The following NRXN1 variants were observed in gnomAD, a reference collection of about 807,000 sequenced individuals.
The protein encoded by NRXN1 is neurexin-1.
In NRXN1, 39 loss-of-function variants were observed where a neutral mutation model predicts 150.9. The observed-to-expected ratio is 0.26, with a 90% CI of 0.20 to 0.34. The LOEUF is 0.34. Among genes scored for constraint, NRXN1 ranks in the 10% least tolerant of loss-of-function variants. NRXN1 has a pLI of 1.00. For missense variants in NRXN1, 1,815 were observed against 1,949.9 expected, an observed-to-expected ratio of 0.93 and a Z score of 1.30; for synonymous variants, 924 against 757.0, an observed-to-expected ratio of 1.22 and a Z score of -3.62.
At position 50,673,989 on chromosome 2, in the gene NRXN1, C is replaced by A. The variant is rs141037512; in HGVS notation, c.833-50374G>T. Among the ~76,000 whole-genome samples, 701 of 152,072 alleles carry A rather than the reference C, an allele frequency of 4.6e-3. 5 individuals carry two copies. The highest frequency in any genetic ancestry group is 0.016 in the African/African-American group (651 of 41,494). ...GGGAGGCATAGCATAATGAGAAATA[C>A]CTAATGTAGGTAACTGGTTGATGGG... On this transcript the variant is annotated intron_variant, in intron 5 of 22. Coordinates refer to ENST00000401669, the MANE Select transcript of NRXN1 (RefSeq NM_001330078.2).
intron 17 of NRXN1, among the ~76,000 whole-genome samples, chr2:50,424,773 T>C (rs2084345165): frequency 6.6e-6 from 1 of 152,206 alleles, no homozygotes; most frequent in African/African-American, 2.4e-5. Flanking sequence ...CTATTTGTAC[T>C]AAAAACCAAA....
intron 15 of NRXN1, among the ~76,000 whole-genome samples, chr2:50,479,505 A>C (rs2090267093): frequency 6.6e-6 from 1 of 152,224 alleles, no homozygotes; most frequent in Non-Finnish European, 1.5e-5. Flanking sequence ...TGTAACCATT[A>C]GTTTATACAT....
At chr2:50,954,070 G>C (rs1691866769) in intron 2 of NRXN1, among the ~76,000 whole-genome samples, 1 of 151,982 alleles carries the variant, frequency 6.6e-6, no homozygotes, top group African/African-American at 2.4e-5. Context: ...CTTTTTAATG[G>C]TACTAAAAGA....
At chr2:50,674,188 T>G (rs1689240584) in intron 5 of NRXN1, among the ~76,000 whole-genome samples, 1 of 152,116 alleles carries the variant, frequency 6.6e-6, no homozygotes, top group Non-Finnish European at 1.5e-5. Flanking sequence ...CAGAAGAGTA[T>G]GGAACTCTTG....
At chr2:50,658,029 C>A (rs1686743843) in intron 5 of NRXN1, among the ~76,000 whole-genome samples, 1 of 151,980 alleles carries the variant, frequency 6.6e-6, no homozygotes, top group South Asian at 2.1e-4. Context: ...TTACAATTAG[C>A]TTTTCAATAA....
intron 17 of NRXN1, among the ~76,000 whole-genome samples, chr2:50,378,341 C>T (rs777506871): frequency 1.3e-5 from 2 of 152,088 alleles, no homozygotes; most frequent in Non-Finnish European, 2.9e-5. Flanking sequence ...ATAAACTCAT[C>T]GTAAGTTGAA....
intron 8 of NRXN1, among the ~76,000 whole-genome samples, chr2:50,602,559 A>G (rs1338894138): frequency 6.6e-6 from 1 of 152,080 alleles, no homozygotes; most frequent in Non-Finnish European, 1.5e-5. Flanking sequence ...TTTTCCATCA[A>G]GAAAGATGAT....
intron 17 of NRXN1, among the ~76,000 whole-genome samples, chr2:50,439,440 T>G (rs1279256099): frequency 6.6e-6 from 1 of 152,202 alleles, no homozygotes; most frequent in Non-Finnish European, 1.5e-5. Context: ...GACAGTGTTA[T>G]ACATGCAGTA....
At chr2:50,471,796 T>G (rs2089492801) in intron 16 of NRXN1, among the ~76,000 whole-genome samples, 1 of 151,714 alleles carries the variant, frequency 6.6e-6, no homozygotes, top group Admixed American at 6.6e-5. Flanking sequence ...GCTTAATACT[T>G]GAGTGGCAAA....
intron 18 of NRXN1, among the ~76,000 whole-genome samples, chr2:50,104,747 T>G (rs769364719): frequency 6.6e-6 from 1 of 152,004 alleles, no homozygotes; most frequent in Non-Finnish European, 1.5e-5. Flanking sequence ...AGCAGTCCAA[T>G]TCCAGATTTT....
At chr2:50,121,645 A>T (rs1281562433) in intron 18 of NRXN1, among the ~76,000 whole-genome samples, 1 of 152,224 alleles carries the variant, frequency 6.6e-6, no homozygotes, top group Non-Finnish European at 1.5e-5. Context: ...GCTCACAATA[A>T]AAGTCTTTCA....
intron 17 of NRXN1, among the ~76,000 whole-genome samples, chr2:50,297,136 G>T (rs112495423): frequency 6.6e-6 from 1 of 151,898 alleles, no homozygotes; most frequent in East Asian, 1.9e-4. Flanking sequence ...TGATGCACCC[G>T]CCTCAGCCTC....
chr2:50,169,383 A>T (rs1421927160), intron 18 of NRXN1, among the ~76,000 whole-genome samples: 1 of 152,120 alleles, frequency 6.6e-6, no homozygotes, highest in Non-Finnish European at 1.5e-5. Context: ...GGGTAAGTTT[A>T]TTTCTGCACT....
chr2:50,236,794 G>A lies in NRXN1; in HGVS notation c.3541C>T (p.His1181Tyr), dbSNP rs377333818. 1.2e-6 allele frequency: 2 copies of A among 1,612,458 alleles called. No individual in the cohort carries two copies. Among genetic ancestry groups the A allele is most frequent in the Non-Finnish European group, 1.7e-6 (2 of 1,179,094 alleles). Residue 1181 changes from histidine (H) to tyrosine (Y), a missense_variant, in exon 18 of 23, where the codon CAT becomes TAT. Around this residue, in one of 6 missense-constraint regions of NRXN1, gnomAD observed 339 missense variants for 440.3 expected, o/e 0.77. Transcript: ENST00000401669. Reference sequence around the variant, plus strand: ...CTTATGCAAAAAGTACTTACTATATGCAGTTCTAGGTAGTCACCCAAGCCT... The same window carrying A: ...CTTATGCAAAAAGTACTTACTATATACAGTTCTAGGTAGTCACCCAAGCCT... ...SSGLGDYLELHIHQGKIGVKF... is the reference protein window; with the variant it reads ...SSGLGDYLELYIHQGKIGVKF...
chr2:50,035,254 A>G (rs1443444368), intron 21 of NRXN1, among the ~76,000 whole-genome samples: 1 of 152,086 alleles, frequency 6.6e-6, no homozygotes. Flanking sequence ...ATTTCTCATG[A>G]TCTAGGAGTT....
intron 17 of NRXN1, among the ~76,000 whole-genome samples, chr2:50,328,465 G>C (rs1426171306): frequency 6.6e-6 from 1 of 151,868 alleles, no homozygotes; most frequent in Non-Finnish European, 1.5e-5. Flanking sequence ...GGTTGGGTGT[G>C]GTGGCTCACA....
chr2:50,309,659 G>C (rs2074994245), intron 17 of NRXN1, among the ~76,000 whole-genome samples: 1 of 152,126 alleles, frequency 6.6e-6, no homozygotes, highest in Non-Finnish European at 1.5e-5. Context: ...AAAAGGAAGA[G>C]AGGCGACATG....
chr2:50,693,123 T>G (rs1265038253), intron 5 of NRXN1, among the ~76,000 whole-genome samples: 1 of 152,142 alleles, frequency 6.6e-6, no homozygotes, highest in Non-Finnish European at 1.5e-5. Flanking sequence ...ACTTGAATAG[T>G]TTCTGATAGG....
At chr2:50,162,857 A>C (rs2059442818) in intron 18 of NRXN1, among the ~76,000 whole-genome samples, 1 of 151,974 alleles carries the variant, frequency 6.6e-6, no homozygotes, top group Non-Finnish European at 1.5e-5. Flanking sequence ...AAATATTTTT[A>C]CTTTGTATAA....
Sources: allele counts gnomAD v4.1 joint callset (sites outside exome capture counted in the v4.1 genomes callset), GRCh38; gene constraint gnomAD v4.1.1; regional missense constraint gnomAD v4.1.1; transcripts MANE v1.5; gene names NCBI Gene and HGNC (gene_info 2026-07-23, HGNC 2026-07-21).